The following PSCA variants were observed in gnomAD, a reference collection of about 807,000 sequenced individuals.
The protein encoded by PSCA is prostate stem cell antigen.
Under a neutral mutation model 7.9 loss-of-function variants are expected in PSCA, and 7 were observed. The observed-to-expected ratio is 0.89, with a 90% CI of 0.51 to 1.67. The LOEUF is 1.67. Among genes scored for constraint, PSCA ranks in the 40% most tolerant of loss-of-function variants. The pLI is 0.00. For missense variants in PSCA, 151 were observed against 147.9 expected (o/e 1.02, Z -0.11); for synonymous variants, 61 against 68.3 (o/e 0.89, Z 0.53).
Position 142,673,073 on chromosome 8 carries a change from G to C in PSCA, n.261+2505G>C, listed in dbSNP as rs587647255. 1.3e-4 allele frequency among the ~76,000 whole-genome samples: 20 copies of C among 152,256 alleles called. No homozygotes were observed. Among genetic ancestry groups the C allele is most frequent in the African/African-American group, 4.6e-4 (19 of 41,542 alleles). On this transcript the variant is annotated intron_variant and non_coding_transcript_variant, in intron 1 of 1. Transcript: ENST00000505305. The surrounding 1 kb of genome is among the most constrained non-coding windows in gnomAD (Gnocchi z 4.6). ...TTGGCACAACTGCTGGCATTCACGC[G>C]TGCAAGCTTCCAGCTTGCTTGTCTT...
intron 1 of PSCA, among the ~76,000 whole-genome samples, chr8:142,674,996 C>T (rs1287313089): frequency 6.6e-6 from 1 of 152,280 alleles, no homozygotes; most frequent in African/African-American, 2.4e-5. Context: ...GCTATTCCCT[C>T]TGCCTGGAGG....
chr8:142,678,207 G>A (rs1048023067), upstream of PSCA, among the ~76,000 whole-genome samples: 2 of 152,156 alleles, frequency 1.3e-5, no homozygotes, highest in Non-Finnish European at 2.9e-5. Flanking sequence ...CCCCTAAAAT[G>A]TGCCAGAGCC....
rs1165382456 is a variant in PSCA at position 142,673,273 on chromosome 8, G to A, written n.261+2705G>A. 6.6e-6 allele frequency among the ~76,000 whole-genome samples: 1 copy of A among 152,146 alleles called. No individual in the cohort carries two copies. The highest frequency in any genetic ancestry group is 1.5e-5 in the Non-Finnish European group (1 of 68,022). ...CCACCTCAGGGACATGGGATCACGT[G>A]GTCTCCCAGGACTTGGACAGTGCTG... On this transcript the variant is annotated intron_variant and non_coding_transcript_variant, in intron 1 of 1. Transcript: ENST00000505305. The surrounding 1 kb of genome is among the most constrained non-coding windows in gnomAD (Gnocchi z 4.6).
At chr8:142,677,059 TCAGGGCTCAGCCAGTGGCCAGGGC>T (rs1185003870), upstream of PSCA, among the ~76,000 whole-genome samples, 1 of 152,142 alleles carries the variant, frequency 6.6e-6, no homozygotes, top group Non-Finnish European at 1.5e-5. Context: ...GTGACCAGGA[TCAGGGCTCAGCCAGTGGCCAGGGC>T]CAGGGCTCAG....
intron 1 of PSCA, among the ~76,000 whole-genome samples, chr8:142,670,915 T>A (rs1847311766): frequency 6.6e-6 from 1 of 152,212 alleles, no homozygotes; most frequent in Non-Finnish European, 1.5e-5. Flanking sequence ...GATGCTCAAA[T>A]CCCTTACATA....
At chr8:142,677,706 A>G (rs1189263682), upstream of PSCA, among the ~76,000 whole-genome samples, 9 of 152,128 alleles carry the variant, frequency 5.9e-5, no homozygotes, top group South Asian at 1.9e-3. Flanking sequence ...CTTACAGGAC[A>G]TGGGCTGGAG....
At chr8:142,670,852 T>C (rs976683186) in intron 1 of PSCA, among the ~76,000 whole-genome samples, 2 of 152,246 alleles carry the variant, frequency 1.3e-5, no homozygotes, top group Non-Finnish European at 1.5e-5. Flanking sequence ...CAGTCGTCCC[T>C]GGGTATCCAT....
intron 1 of PSCA, 89 bp downstream of exon 1, chr8:142,680,652 G>A (rs2129871711): frequency 1.3e-6 from 2 of 1,488,482 alleles, no homozygotes; most frequent in Non-Finnish European, 1.8e-6. Flanking sequence ...CGGAGAGGAG[G>A]GGAAGGAAGG....
At chr8:142,680,115 T>C, upstream of PSCA, 1 of 199,328 alleles carries the variant, frequency 5.0e-6, no homozygotes, top group Admixed American at 5.3e-5. Context: ...GCGGCACAGC[T>C]TCTATAGGAG....
chr8:142,680,500 C>A lies in PSCA; in HGVS notation c.-39C>A. 6.4e-7 allele frequency: 1 copy of A among 1,552,338 alleles called. No individual in the cohort carries two copies. The highest frequency in any genetic ancestry group is 8.7e-7 in the Non-Finnish European group (1 of 1,147,342). The stretch of plus-strand genomic sequence containing the variant: ...CACCTGAGGCCCTCTCCACCACAGC[C>A]CACCAGTGACCACGAAGGCTGTGCT... On this transcript the variant is annotated 5_prime_UTR_variant, in exon 1 of 3. Transcript: ENST00000301258.
upstream of PSCA, chr8:142,676,684 T>A (rs1331357331): frequency 1.3e-5 from 2 of 152,186 alleles, no homozygotes; most frequent in African/African-American, 4.8e-5. Context: ...AGGAAGAAAA[T>A]ACACTAGTGT....
intron 1 of PSCA, 91 bp from the exon 2 acceptor site, chr8:142,681,236 C>A: frequency 2.1e-6 from 2 of 959,968 alleles, no homozygotes; most frequent in Non-Finnish European, 3.1e-6. Flanking sequence ...TTCCTCAGGC[C>A]ACCGCCATGG....
intron 1 of PSCA, among the ~76,000 whole-genome samples, chr8:142,674,555 A>G (rs1383390458): frequency 2.6e-5 from 4 of 152,260 alleles, no homozygotes; most frequent in Non-Finnish European, 5.9e-5. Flanking sequence ...GACTAAGGGC[A>G]GTTTGGAGAT....
Position 142,671,934 on chromosome 8 carries a change from T to C in PSCA, n.261+1366T>C, listed in dbSNP as rs991228325. Among the ~76,000 whole-genome samples, 12 of 151,484 alleles carry C rather than the reference T, an allele frequency of 7.9e-5. No homozygotes were observed. The East Asian group carries it at 2.2e-3, about 27-fold the overall frequency. On this transcript the variant is annotated intron_variant and non_coding_transcript_variant, in intron 1 of 1. Coordinates refer to the PSCA transcript ENST00000505305. ...TGCTGGTTCCTTACTGACCAGGCCA[T>C]TCTTTGGCTCTTTTTGTTCAACCAG...
At chr8:142,675,637 A>C (rs1554637762), upstream of PSCA, among the ~76,000 whole-genome samples, 1 of 152,182 alleles carries the variant, frequency 6.6e-6, no homozygotes, top group Admixed American at 6.5e-5. Flanking sequence ...TTTGATCCAC[A>C]TGCACAGACA....
rs1554638180 is a variant in PSCA at position 142,680,502 on chromosome 8, A to G, written c.-37A>G. 6.4e-7 allele frequency: 1 copy of G among 1,552,372 alleles called. No individual in the cohort carries two copies. The highest frequency in any genetic ancestry group is 1.2e-5 in the South Asian group (1 of 84,092). On this transcript the variant is annotated 5_prime_UTR_variant, in exon 1 of 3. Transcript: ENST00000301258. ...CCTGAGGCCCTCTCCACCACAGCCC[A>G]CCAGTGACCACGAAGGCTGTGCTGC...
chr8:142,681,440 T>C lies in PSCA; in HGVS notation c.133+6T>C. 1 of 1,581,732 alleles carries C rather than the reference T, an allele frequency of 6.3e-7. No individual in the cohort carries two copies. Among genetic ancestry groups the C allele is most frequent in the Non-Finnish European group, 8.6e-7 (1 of 1,164,186 alleles). Reference sequence around the variant, plus strand: ...GTGCTGGACCGCGCGCATCCGTGAGTGGGGGGACGACAGCCGCCAGGCCTA... The same window carrying C: ...GTGCTGGACCGCGCGCATCCGTGAGCGGGGGGACGACAGCCGCCAGGCCTA... On this transcript the variant is annotated splice_donor_region_variant and intron_variant, in intron 2 of 2. Coordinates refer to ENST00000301258, the MANE Select transcript of PSCA (RefSeq NM_005672.5).
upstream of PSCA, chr8:142,680,411 C>A (rs587747404): frequency 8.3e-7 from 1 of 1,211,706 alleles, no homozygotes; most frequent in Non-Finnish European, 1.2e-6. Flanking sequence ...TCACTGGCTC[C>A]AGGAAACCCG....
In PSCA at chr8:142,682,086, TG is replaced by T; in HGVS notation, c.300del (p.Leu101SerfsTer152). 1 of 1,606,686 alleles carries T rather than the reference TG, an allele frequency of 6.2e-7. No individual in the cohort carries two copies. The highest frequency in any genetic ancestry group is 8.5e-7 in the Non-Finnish European group (1 of 1,179,562). ...CAGCCGGCTGCTGCCATCCTTGCGC[TG>T]CTCCCTGCACTCGGCCTGCTGCTCT... is the stretch of plus-strand genomic sequence containing the variant. ...ALQPAAAILA[L>X]LPALGLLLWG... is the part of the protein sequence containing the mutation. On this transcript the variant is annotated frameshift_variant, in exon 3 of 3. Transcript: ENST00000301258. LOFTEE classifies it high-confidence loss of function.
Sources: gnomAD v4.1 joint callset for allele counts (sites outside exome capture counted in the v4.1 genomes callset) on GRCh38, gnomAD v4.1.1 for gene constraint, Gnocchi (gnomAD v3.1) non-coding constraint, MANE v1.5 for transcripts, NCBI Gene and HGNC (gene_info 2026-07-23, HGNC 2026-07-21) for gene names.